The following YBX3 variants were observed in gnomAD, a reference collection of about 807,000 sequenced individuals.
YBX3 encodes Y-box binding protein 3.
Under a neutral mutation model 42.4 loss-of-function variants are expected in YBX3, and 29 were observed. The ratio of observed to expected loss-of-function variants is 0.68; its 90% CI spans 0.51 to 0.93. The LOEUF is 0.93. Among genes scored for constraint, YBX3 ranks in the 40% least tolerant of loss-of-function variants. The probability of loss-of-function intolerance (pLI) is 0.00; values close to 1 mark genes in which losing one functional copy is unlikely to be tolerated. For synonymous variants in YBX3, 195 were observed against 189.8 expected (o/e 1.03, Z -0.22); for missense variants, 517 against 527.5 (o/e 0.98, Z 0.19).
intron 5 of YBX3, chr12:10,710,377 T>C: frequency 7.2e-7 from 1 of 1,379,664 alleles, no homozygotes. Context: ...TTAATAGTCA[T>C]CTCATTAGAA....
rs548298122 is a variant in YBX3 at position 10,715,085 on chromosome 12, T to C, written c.450+609A>G. 5.3e-5 allele frequency among the ~76,000 whole-genome samples: 8 copies of C among 152,214 alleles called. No individual in the cohort carries two copies. In the East Asian group the frequency reaches 1.5e-3, roughly 29 times the overall value. ...TTTAATATATTGTTAATACATAAGA[T>C]AGTTAAATTTTAATCTGCATTTCGA... On this transcript the variant is annotated intron_variant, in intron 4 of 9. Coordinates refer to ENST00000228251, the MANE Select transcript of YBX3 (RefSeq NM_003651.5).
chr12:10,713,081 A>C (rs1228804746), intron 5 of YBX3, 130 bp downstream of exon 5: 3 of 1,235,572 alleles, frequency 2.4e-6, no homozygotes, highest in Non-Finnish European at 3.2e-6. Context: ...TCCTCTAAAG[A>C]AAAAATAAAA....
intron 4 of YBX3, among the ~76,000 whole-genome samples, chr12:10,714,273 T>C (rs1236485532): frequency 6.6e-6 from 1 of 152,234 alleles, no homozygotes; most frequent in Admixed American, 6.5e-5. Flanking sequence ...TGGAATGGTA[T>C]ATGTGTATAT....
intron 5 of YBX3, chr12:10,711,428 C>T (rs1948198752): frequency 6.6e-6 from 1 of 152,102 alleles, no homozygotes; most frequent in South Asian, 2.1e-4. Flanking sequence ...ACTAGTCTAA[C>T]TTCAAAAAAA....
intron 5 of YBX3, chr12:10,710,388 C>T (rs1210286365): frequency 3.0e-6 from 4 of 1,353,234 alleles, no homozygotes; most frequent in Non-Finnish European, 3.8e-6. Context: ...CTCATTAGAA[C>T]TCGTATCAGC....
At chr12:10,714,021 C>T (rs12231922) in intron 4 of YBX3, among the ~76,000 whole-genome samples, 14,151 of 152,150 alleles carry the variant, frequency 0.093, 680 homozygotes, top group East Asian at 0.11. Flanking sequence ...TTGTAAAACC[C>T]TGAGTTCTGA....
intron 7 of YBX3, 79 bp from the exon 8 acceptor site, chr12:10,702,213 T>G (rs769791212): frequency 1.4e-6 from 2 of 1,408,250 alleles, no homozygotes; most frequent in Non-Finnish European, 9.4e-7. Flanking sequence ...TATTTATTTT[T>G]AAAAATTAAA....
Position 10,723,106 on chromosome 12 carries a change from A to C in YBX3, c.6T>G (p.Ser2Arg). 4.2e-6 allele frequency: 5 copies of C among 1,203,834 alleles called. No homozygotes were observed. The highest frequency in any genetic ancestry group is 5.1e-6 in the Non-Finnish European group (5 of 971,316). 74.6% of individuals were successfully genotyped at this position (1,203,834 alleles called of 1,614,324 possible). A position where few individuals can be genotyped will look rare whatever the true frequency, so the allele number is the denominator to read the frequency against. The change falls in exon 1 of 10, where the codon AGT becomes AGG. Residue 2 changes from serine (S) to arginine (R), a missense_variant. By Grantham distance (110) the Ser-to-Arg change is moderately radical. Around this residue, in one of 3 missense-constraint regions of YBX3, gnomAD observed 86 missense variants for 82.5 expected, o/e 1.04. Coordinates refer to ENST00000228251, the MANE Select transcript of YBX3 (RefSeq NM_003651.5). M[S>R]EAGEATTTTT... Reference sequence around the variant, plus strand: ...TGGTGGTGGTGGCCTCGCCCGCCTCACTCATGCCTCCTCCTCCTCTGCTCT... The same window carrying C: ...TGGTGGTGGTGGCCTCGCCCGCCTCCCTCATGCCTCCTCCTCCTCTGCTCT...
intron 5 of YBX3, chr12:10,712,995 T>A (rs1394531290): frequency 3.6e-6 from 2 of 557,436 alleles, no homozygotes; most frequent in African/African-American, 3.8e-5. Context: ...AACTTATTCA[T>A]GTAACTAATC....
chr12:10,709,827 T>C (rs1044909151), intron 6 of YBX3, 81 bp downstream of exon 6: 22 of 1,521,774 alleles, frequency 1.4e-5, no homozygotes, highest in Non-Finnish European at 2.0e-5. Flanking sequence ...GCAGCTGATG[T>C]TGGAGGAGGA....
At chr12:10,714,614 A>C (rs574237383) in intron 4 of YBX3, among the ~76,000 whole-genome samples, 1 of 152,286 alleles carries the variant, frequency 6.6e-6, no homozygotes, top group South Asian at 2.1e-4. Flanking sequence ...ACAGAAAACA[A>C]AATGATTAAT....
chr12:10,713,313 CA>C lies in YBX3; in HGVS notation c.470del (p.Val157GlyfsTer111). 6.2e-7 allele frequency: 1 copy of C among 1,613,978 alleles called. No individual in the cohort carries two copies. Among genetic ancestry groups the C allele is most frequent in the Non-Finnish European group, 8.5e-7 (1 of 1,180,026 alleles). ...CCACAGGAACTCCATCCGGGCCAGT[CA>C]CATTGGCAGCTTCTGCACCCTGAGA... ...EGEKGAEAAN[V>X]TGPDGVPVEG... is the part of the protein sequence containing the mutation. On this transcript the variant is annotated frameshift_variant, in exon 5 of 10. Coordinates refer to ENST00000228251, the MANE Select transcript of YBX3 (RefSeq NM_003651.5). LOFTEE classifies it high-confidence loss of function.
chr12:10,705,772 A>G (rs113806410), intron 6 of YBX3, among the ~76,000 whole-genome samples: 18 of 152,172 alleles, frequency 1.2e-4, no homozygotes, highest in Non-Finnish European at 2.1e-4. Context: ...GTATGGACTC[A>G]TGGTTTTCTA....
At position 10,710,112 on chromosome 12, in the gene YBX3, G is replaced by C. The variant is rs779527951; in HGVS notation, c.576C>G (p.Tyr192Ter). 3.3e-5 allele frequency: 54 copies of C among 1,612,628 alleles called. No homozygotes were observed. The highest frequency in any genetic ancestry group is 4.5e-5 in the Non-Finnish European group (53 of 1,179,784). The stretch of plus-strand genomic sequence containing the variant: ...TCCCTTCCTCCTCCTCCTCCCCAGC[G>C]TACTAGCGAAGCAAAGAAACAGAGA... ...YGRRRGPPRN[Y>*]AGEEEEEGSG... The change falls in exon 6 of 10, where the codon TAC becomes TAG. Residue 192 changes from tyrosine (Y) to a stop codon, truncating the protein, a stop_gained and splice_region_variant. Coordinates refer to ENST00000228251, the MANE Select transcript of YBX3 (RefSeq NM_003651.5). LOFTEE classifies it high-confidence loss of function.
chr12:10,702,230 A>T, intron 7 of YBX3, 96 bp from the exon 8 acceptor site: 1 of 1,302,280 alleles, frequency 7.7e-7, no homozygotes, highest in Non-Finnish European at 1.0e-6. Context: ...TAAAAAGTCA[A>T]GTGATCAGGG....
intron 1 of YBX3, 86 bp downstream of exon 1, chr12:10,722,764 A>C: frequency 1.7e-6 from 2 of 1,180,002 alleles, no homozygotes; most frequent in Non-Finnish European, 2.2e-6. Flanking sequence ...CGGGTGGGAG[A>C]TGTAGCGCGA....
In YBX3 at chr12:10,701,955, T is replaced by C; in HGVS notation, c.1053+5A>G. The C allele has an allele frequency of 1.2e-6, 2 of 1,611,256 alleles. No homozygotes were observed. The highest frequency in any genetic ancestry group is 8.5e-7 in the Non-Finnish European group (1 of 1,178,772). On this transcript the variant is annotated splice_donor_5th_base_variant and intron_variant, in intron 8 of 9. Coordinates refer to ENST00000228251, the MANE Select transcript of YBX3 (RefSeq NM_003651.5). ...GCAACATCCGCCCTGACTGGTTGGA[T>C]TTACCTCTTTGCCATCTTGTGAAGG...
intron 5 of YBX3, 177 bp downstream of exon 5, chr12:10,713,034 A>C: frequency 1.2e-6 from 1 of 842,060 alleles, no homozygotes; most frequent in East Asian, 2.9e-5. Context: ...ACCTATGGAA[A>C]TCAATAATAC....
chr12:10,709,546 T>C (rs1948174434), intron 6 of YBX3, among the ~76,000 whole-genome samples: 1 of 152,228 alleles, frequency 6.6e-6, no homozygotes, highest in East Asian at 1.9e-4. Context: ...AAACTTGGTT[T>C]TCTCAAAACC....
Sources: gnomAD v4.1 joint callset for allele counts (sites outside exome capture counted in the v4.1 genomes callset) on GRCh38, gnomAD v4.1.1 for gene constraint, gnomAD v4.1.1 regional missense constraint, MANE v1.5 for transcripts, NCBI Gene and HGNC (gene_info 2026-07-23, HGNC 2026-07-21) for gene names.